PSTPIP1: variants seen among roughly 807,000 people sequenced by gnomAD.
The protein encoded by PSTPIP1 is proline-serine-threonine phosphatase interacting protein 1, also known as proline-serine-threonine phosphatase-interacting protein 1.
A neutral mutation model predicts 69.6 loss-of-function variants in PSTPIP1; 66 were observed. That is an observed-to-expected ratio of 0.95 (90% confidence interval 0.78 to 1.16). The LOEUF is 1.16. Among genes scored for constraint, PSTPIP1 ranks in the 50% most tolerant of loss-of-function variants. PSTPIP1 has a pLI of 0.00. For missense variants in PSTPIP1, 603 were observed against 557.4 expected, an observed-to-expected ratio of 1.08 and a Z score of -0.82; for synonymous variants, 266 against 222.7, an observed-to-expected ratio of 1.19 and a Z score of -1.73.
rs377354932 is a variant in PSTPIP1 at position 77,010,603 on chromosome 15, G to A, written c.37-7545G>A. The stretch of plus-strand genomic sequence containing the variant: ...GGCGTGTCTCCATCTACCTCTGGCC[G>A]CCTTGTGTTTGCTCCTTGCCTCCTC... On this transcript the variant is annotated intron_variant, in intron 1 of 14. Coordinates refer to ENST00000558012, the MANE Select transcript of PSTPIP1 (RefSeq NM_003978.5). 3.9e-5 allele frequency among the ~76,000 whole-genome samples: 6 copies of A among 152,038 alleles called. No homozygotes were observed. The East Asian group carries it at 5.8e-4, about 15-fold the overall frequency.
chr15:77,028,469 G>A, intron 6 of PSTPIP1, 85 bp from the exon 7 acceptor site: 1 of 1,200,918 alleles, frequency 8.3e-7, no homozygotes, highest in Non-Finnish European at 1.2e-6. Flanking sequence ...AGGGAAAAAG[G>A]GAGGCTGGGC....
intron 1 of PSTPIP1, among the ~76,000 whole-genome samples, chr15:77,000,549 T>A (rs955494961): frequency 2.7e-5 from 4 of 150,666 alleles, no homozygotes; most frequent in African/African-American, 9.8e-5. Flanking sequence ...TAATATAAGA[T>A]CCTAAAAGGA....
chr15:77,012,699 C>T (rs541510245), intron 1 of PSTPIP1, among the ~76,000 whole-genome samples: 5 of 152,298 alleles, frequency 3.3e-5, no homozygotes, highest in South Asian at 2.1e-4. Flanking sequence ...CCTCTGTTTC[C>T]GTATCTATAC....
At chr15:77,008,823 A>G (rs1299937821) in intron 1 of PSTPIP1, among the ~76,000 whole-genome samples, 1 of 152,202 alleles carries the variant, frequency 6.6e-6, no homozygotes, top group African/African-American at 2.4e-5. Flanking sequence ...TAGGGGGAGC[A>G]TCTGACTCTA....
At chr15:77,035,476 G>A in intron 12 of PSTPIP1, 32 bp from the exon 13 acceptor site, 1 of 1,571,186 alleles carries the variant, frequency 6.4e-7, no homozygotes, top group African/African-American at 1.4e-5. Flanking sequence ...TGTGGGGCGG[G>A]GACACTCACC....
chr15:77,000,431 A>G (rs1324330368), intron 1 of PSTPIP1, among the ~76,000 whole-genome samples: 4 of 150,382 alleles, frequency 2.7e-5, no homozygotes, highest in African/African-American at 9.8e-5. Context: ...TTTGCTGGGC[A>G]CCTGTTCCAT....
intron 7 of PSTPIP1, among the ~76,000 whole-genome samples, chr15:77,029,233 G>A (rs1471322801): frequency 1.3e-5 from 2 of 152,224 alleles, no homozygotes; most frequent in African/African-American, 4.8e-5. Flanking sequence ...AGGGGCCAGA[G>A]CCCAAGTCCC....
At chr15:76,996,516 G>A (rs376034586) in intron 1 of PSTPIP1, among the ~76,000 whole-genome samples, 50 of 152,332 alleles carry the variant, frequency 3.3e-4, no homozygotes, top group African/African-American at 1.1e-3. Flanking sequence ...TCTGGCCCTC[G>A]GCTCAGCCGG....
chr15:77,021,655 G>A (rs2076163949), intron 3 of PSTPIP1, among the ~76,000 whole-genome samples: 1 of 152,168 alleles, frequency 6.6e-6, no homozygotes, highest in Non-Finnish European at 1.5e-5. Context: ...CTCCAGCCTG[G>A]GCTGCAGAGC....
In PSTPIP1 at chr15:77,037,100, G is replaced by A. The variant is rs1365376080; in HGVS notation, c.1175G>A (p.Gly392Glu). ...GACATCCTGGAGGTGATCCTGGAAG[G>A]GGAGGATGGCTGGTGGACTGTGGAG... ...AGDILEVILE[G>E]EDGWWTVERN... Residue 392 changes from glycine to glutamate, a missense_variant, in exon 15 of 15, where the codon GGG becomes GAG. Coordinates refer to ENST00000558012, the MANE Select transcript of PSTPIP1 (RefSeq NM_003978.5). The A allele has an allele frequency of 6.2e-7, 1 of 1,612,446 alleles. No homozygotes were observed. The highest frequency in any genetic ancestry group is 1.1e-5 in the South Asian group (1 of 91,084).
intron 10 of PSTPIP1, 113 bp downstream of exon 10, chr15:77,031,391 G>T: frequency 8.5e-7 from 1 of 1,180,516 alleles, no homozygotes; most frequent in Non-Finnish European, 1.2e-6. Context: ...ATCCAAGCCT[G>T]GCCCCAGGGG....
Position 77,031,296 on chromosome 15 carries a change from TGGTGTGG to T in PSTPIP1, c.741+22_741+28del. On this transcript the variant is annotated intron_variant, in intron 10 of 14. Coordinates refer to ENST00000558012, the MANE Select transcript of PSTPIP1 (RefSeq NM_003978.5). Reference sequence around the variant, plus strand: ...ATGATGAGGTGGGGGCTGAGGGCCTTGGTGTGGGGTAAGGTAGGGCAGCCTCTAGGCA... The same window carrying T: ...ATGATGAGGTGGGGGCTGAGGGCCTTGGTAAGGTAGGGCAGCCTCTAGGCA... The T allele has an allele frequency of 1.2e-6, 2 of 1,609,656 alleles. No individual in the cohort carries two copies. Among genetic ancestry groups the T allele is most frequent in the Non-Finnish European group, 1.7e-6 (2 of 1,177,382 alleles).
At chr15:77,013,622 C>T (rs1238894431) in intron 1 of PSTPIP1, among the ~76,000 whole-genome samples, 4 of 152,194 alleles carry the variant, frequency 2.6e-5, no homozygotes, top group Non-Finnish European at 5.9e-5. Context: ...ACCCAATAGT[C>T]TGCTCCACTC....
intron 3 of PSTPIP1, among the ~76,000 whole-genome samples, chr15:77,022,818 G>T (rs548847316): frequency 6.6e-6 from 1 of 152,368 alleles, no homozygotes; most frequent in East Asian, 1.9e-4. Context: ...GGGCAGGAAG[G>T]CCTGCAGCCC....
At chr15:77,003,189 T>C (rs1428104754) in intron 1 of PSTPIP1, among the ~76,000 whole-genome samples, 1 of 152,196 alleles carries the variant, frequency 6.6e-6, no homozygotes, top group Non-Finnish European at 1.5e-5. Flanking sequence ...GTGAGTGGGA[T>C]GCCCTTCCTC....
In PSTPIP1 at chr15:77,028,665, G is replaced by T. The variant is rs762824136; in HGVS notation, c.516+13G>T. The T allele has an allele frequency of 1.8e-5, 28 of 1,542,528 alleles. No homozygotes were observed. The highest frequency in any genetic ancestry group is 2.3e-5 in the Non-Finnish European group (26 of 1,140,912). On this transcript the variant is annotated intron_variant, in intron 7 of 14. Coordinates refer to ENST00000558012, the MANE Select transcript of PSTPIP1 (RefSeq NM_003978.5). The stretch of plus-strand genomic sequence containing the variant: ...GCAGGTGGAGAAGGTGCGCTGGGCT[G>T]CTGGGCCGTGTGGGTCGCCCAGGGC...
rs114061633 is a variant in PSTPIP1 at position 77,030,145 on chromosome 15, C to T, written c.563-357C>T. Among the ~76,000 whole-genome samples the T allele has an allele frequency of 2.1e-3, 326 of 152,324 alleles. 4 individuals are homozygous for T. The highest frequency in any genetic ancestry group is 7.6e-3 in the African/African-American group (314 of 41,580). On this transcript the variant is annotated intron_variant, in intron 8 of 14. Coordinates refer to ENST00000558012, the MANE Select transcript of PSTPIP1 (RefSeq NM_003978.5). Reference sequence around the variant, plus strand: ...TGGGCACAGAAGTTGTGACCCAAGCCTGTGGGACTCCACCCCTCCTCCAGC... The same window carrying T: ...TGGGCACAGAAGTTGTGACCCAAGCTTGTGGGACTCCACCCCTCCTCCAGC...
At chr15:77,030,395 G>A (rs2076385530) in intron 8 of PSTPIP1, 107 bp from the exon 9 acceptor site, 5 of 1,165,930 alleles carry the variant, frequency 4.3e-6, no homozygotes, top group South Asian at 3.9e-5. Flanking sequence ...GTCCCATGGG[G>A]GAGGCGGGGC....
At chr15:77,012,131 AT>A in intron 1 of PSTPIP1, among the ~76,000 whole-genome samples, 1 of 115,782 alleles carries the variant, frequency 8.6e-6, no homozygotes, top group South Asian at 3.3e-4. Flanking sequence ...CCATCCATCC[AT>A]CCATCCATCC....
Sources: gnomAD v4.1 joint callset for allele counts (sites outside exome capture counted in the v4.1 genomes callset) on GRCh38, gnomAD v4.1.1 for gene constraint, MANE v1.5 for transcripts, NCBI Gene and HGNC (gene_info 2026-07-23, HGNC 2026-07-21) for gene names.